DYNLL1: variants seen among roughly 807,000 people sequenced by gnomAD.
The protein encoded by DYNLL1 is dynein light chain 1, cytoplasmic.
DYNLL1 carries 3 observed loss-of-function variants against 10.1 expected under a neutral mutation model. The ratio of observed to expected loss-of-function variants is 0.30; its 90% CI spans 0.14 to 0.77. The LOEUF (loss-of-function observed/expected upper bound fraction) is 0.77. Ranked by LOEUF, DYNLL1 falls within the 30% of genes least tolerant of loss-of-function variation. The probability of loss-of-function intolerance (pLI) is 0.66; values close to 1 mark genes in which losing one functional copy is unlikely to be tolerated. For missense variants in DYNLL1, 47 were observed against 111.7 expected, an observed-to-expected ratio of 0.42 and a Z score of 2.61; for synonymous variants, 46 against 41.2, an observed-to-expected ratio of 1.12 and a Z score of -0.45.
At chr12:120,489,485 T>C (rs557363124) in intron 1 of DYNLL1, among the ~76,000 whole-genome samples, 33 of 152,224 alleles carry the variant, frequency 2.2e-4, no homozygotes, top group Non-Finnish European at 4.1e-4. Context: ...ACCTTCAGAA[T>C]ACATCTGGAA....
chr12:120,477,874 G>A (rs1878791004), intron 1 of DYNLL1, among the ~76,000 whole-genome samples: 1 of 152,016 alleles, frequency 6.6e-6, no homozygotes, highest in South Asian at 2.1e-4. Flanking sequence ...TCAGCTCACT[G>A]CAGCCTCCGC....
intron 1 of DYNLL1, among the ~76,000 whole-genome samples, chr12:120,473,685 T>G (rs372838494): frequency 8.0e-6 from 1 of 124,832 alleles, no homozygotes; most frequent in Non-Finnish European, 1.6e-5. Context: ...ACACCGAGAC[T>G]CTGTCTCAAA....
intron 1 of DYNLL1, among the ~76,000 whole-genome samples, chr12:120,476,203 A>T (rs143074803): frequency 6.6e-6 from 1 of 152,188 alleles, no homozygotes; most frequent in African/African-American, 2.4e-5. Flanking sequence ...AGTCAGTTTT[A>T]TACTAAGCAG....
chr12:120,478,438 G>C (rs1878804538), intron 1 of DYNLL1, among the ~76,000 whole-genome samples: 1 of 149,460 alleles, frequency 6.7e-6, no homozygotes, highest in African/African-American at 2.5e-5. Context: ...TAGAGACAGG[G>C]TCTCACTATA....
At chr12:120,497,855 ACCT>A (rs1431586904) in intron 2 of DYNLL1, 1 of 550,516 alleles carries the variant, frequency 1.8e-6, no homozygotes, top group African/African-American at 1.9e-5. Flanking sequence ...TCGTCCTTTG[ACCT>A]CCTCAGCCTC....
rs758620038 is a variant in DYNLL1, at chr12:120,496,445, C to A, written c.24C>A (p.Ile8=). The change falls in exon 2 of 3, where the codon ATC becomes ATA. Residue 8 remains isoleucine, a synonymous_variant. Transcript: ENST00000242577. The part of the protein sequence containing the change: MCDRKAV[I]KNADMSEEMQ... ...CCATGTGCGACCGAAAGGCCGTGAT[C>A]AAAAATGCGGACATGTCGGAAGAGA... 2.7e-5 allele frequency: 44 copies of A among 1,613,752 alleles called. No homozygotes were observed. The highest frequency in any genetic ancestry group is 1.3e-4 in the Admixed American group (8 of 59,972).
rs117015363 is a variant in DYNLL1, at chr12:120,496,149, G to C, written c.-74G>C. ...GGTTTCGGTAGCGACGGTATCTCTA[G>C]CCGGGCCTGAGCTGTGCTAGCACCT... is the stretch of plus-strand genomic sequence containing the variant. On this transcript the variant is annotated 5_prime_UTR_variant, in exon 1 of 3. Transcript: ENST00000242577. 116 of 551,892 alleles carry C rather than the reference G, an allele frequency of 2.1e-4. No homozygotes were observed. The East Asian group carries it at 3.4e-3, about 16-fold the overall frequency. 34.2% of individuals were successfully genotyped at this position (551,892 alleles called of 1,614,324 possible).
At chr12:120,496,856 G>T in intron 2 of DYNLL1, 1 of 557,434 alleles carries the variant, frequency 1.8e-6, no homozygotes, top group Non-Finnish European at 3.2e-6. Flanking sequence ...CTGCGCCGAG[G>T]ATCCATCTGG....
At chr12:120,478,997 C>G (rs1167073012) in intron 1 of DYNLL1, among the ~76,000 whole-genome samples, 3 of 145,874 alleles carry the variant, frequency 2.1e-5, no homozygotes, top group Non-Finnish European at 4.5e-5. Context: ...GAAACTGTCT[C>G]TATTAAAAAT....
At chr12:120,489,642 C>T (rs572474607) in intron 1 of DYNLL1, among the ~76,000 whole-genome samples, 2 of 152,296 alleles carry the variant, frequency 1.3e-5, no homozygotes, top group Admixed American at 1.3e-4. Flanking sequence ...CATGCAGTAG[C>T]CAGGTCATCA....
At position 120,498,109 on chromosome 12, in the gene DYNLL1, A is replaced by G; in HGVS notation, c.169A>G (p.Ile57Val). 6.2e-7 allele frequency: 1 copy of G among 1,614,152 alleles called. No homozygotes were observed. The highest frequency in any genetic ancestry group is 8.5e-7 in the Non-Finnish European group (1 of 1,180,000). ...GAAGTACAATCCCACCTGGCATTGC[A>G]TCGTGGGGAGGAACTTCGGTAGTTA... ...DKKYNPTWHC[I>V]VGRNFGSYVT... is the part of the protein sequence containing the mutation. The change falls in exon 3 of 3, where the codon ATC (isoleucine) becomes GTC (valine). Residue 57 changes from isoleucine (I) to valine (V), a missense_variant. Ile to Val is a conservative substitution (Grantham distance 29). Coordinates refer to ENST00000242577, the MANE Select transcript of DYNLL1 (RefSeq NM_003746.3).
chr12:120,486,489 G>T (rs1174435894), intron 1 of DYNLL1, among the ~76,000 whole-genome samples: 3 of 152,062 alleles, frequency 2.0e-5, no homozygotes, highest in African/African-American at 7.2e-5. Context: ...TTGTTTTTGA[G>T]TCAGGGTCTC....
At chr12:120,477,946 C>A (rs1427358017) in intron 1 of DYNLL1, among the ~76,000 whole-genome samples, 1 of 151,916 alleles carries the variant, frequency 6.6e-6, no homozygotes. Context: ...CGCCACCATG[C>A]CTGGCTAATT....
intron 1 of DYNLL1, among the ~76,000 whole-genome samples, chr12:120,488,363 T>C (rs997222648): frequency 1.3e-5 from 2 of 152,132 alleles, no homozygotes; most frequent in Non-Finnish European, 2.9e-5. Flanking sequence ...GTTCCTCTAA[T>C]GTGACTCCTG....
At chr12:120,470,728 C>T (rs1878629931) in intron 1 of DYNLL1, among the ~76,000 whole-genome samples, 1 of 151,938 alleles carries the variant, frequency 6.6e-6, no homozygotes, top group African/African-American at 2.4e-5. Flanking sequence ...GAGCCCGGCG[C>T]CCGGCTGGAA....
intron 1 of DYNLL1, among the ~76,000 whole-genome samples, chr12:120,478,978 C>T (rs1309185194): frequency 6.7e-6 from 1 of 149,358 alleles, no homozygotes; most frequent in Non-Finnish European, 1.5e-5. Context: ...AGCCACCGCA[C>T]CAGGCTGTGA....
At chr12:120,477,891 G>A (rs1010490647) in intron 1 of DYNLL1, among the ~76,000 whole-genome samples, 12 of 152,002 alleles carry the variant, frequency 7.9e-5, no homozygotes, top group Admixed American at 5.9e-4. Flanking sequence ...CCGCCTCCTG[G>A]GTTCAAGTGA....
chr12:120,494,351 A>G (rs1176075737), upstream of DYNLL1, among the ~76,000 whole-genome samples: 2 of 148,092 alleles, frequency 1.4e-5, no homozygotes, highest in East Asian at 2.0e-4. Flanking sequence ...ATCTCGGCTC[A>G]CTACAGACTC....
intron 2 of DYNLL1, 74 bp downstream of exon 2, chr12:120,496,627 G>A: frequency 1.2e-6 from 2 of 1,612,920 alleles, no homozygotes; most frequent in Non-Finnish European, 1.7e-6. Context: ...CTTTCCTAAG[G>A]GCGCCTGACA....
Sources: allele counts gnomAD v4.1 joint callset (sites outside exome capture counted in the v4.1 genomes callset), GRCh38; gene constraint gnomAD v4.1.1; transcripts MANE v1.5; gene names NCBI Gene and HGNC (gene_info 2026-07-23, HGNC 2026-07-21).